Variants in MAP1LC3A observed in about 807,000 individuals in gnomAD.
MAP1LC3A encodes the protein microtubule associated protein 1 light chain 3 alpha.
Under a neutral mutation model 15.2 loss-of-function variants are expected in MAP1LC3A, and 10 were observed. The observed-to-expected ratio is 0.66, with a 90% CI of 0.41 to 1.12. The LOEUF is 1.12. Among genes scored for constraint, MAP1LC3A ranks in the 50% most tolerant of loss-of-function variants. The pLI is 0.00. For synonymous variants in MAP1LC3A, 63 were observed against 64.3 expected (o/e 0.98, Z 0.10); for missense variants, 138 against 167.3 (o/e 0.82, Z 0.97).
intron 1 of MAP1LC3A, among the ~76,000 whole-genome samples, chr20:34,548,236 C>T (rs1172504063): frequency 1.3e-5 from 2 of 152,182 alleles, no homozygotes; most frequent in Non-Finnish European, 2.9e-5. Flanking sequence ...GAGACAGAGC[C>T]TGGACCTGAC....
upstream of MAP1LC3A, among the ~76,000 whole-genome samples, chr20:34,554,355 T>G (rs1235129188): frequency 0.14 from 215 of 1,524 alleles, 3 homozygotes; most frequent in African/African-American, 0.31. Context: ...ATACGTTGGG[T>G]TTTTTTTTTT....
At chr20:34,549,062 A>G (rs570507803) in intron 1 of MAP1LC3A, among the ~76,000 whole-genome samples, 1 of 145,988 alleles carries the variant, frequency 6.8e-6, no homozygotes, top group African/African-American at 2.6e-5. Context: ...GATAGTCTCT[A>G]TCACCCAGGC....
chr20:34,556,603 T>G (rs2146677068), upstream of MAP1LC3A, among the ~76,000 whole-genome samples: 1 of 152,116 alleles, frequency 6.6e-6, no homozygotes, highest in East Asian at 1.9e-4. Context: ...CAGCCTCTTT[T>G]TTTTTTTTTT....
At position 34,559,247 on chromosome 20, in the gene MAP1LC3A, A is replaced by C. The variant is rs1982314589; in HGVS notation, c.80A>C (p.His27Pro). The C allele has an allele frequency of 6.2e-7, 1 of 1,605,162 alleles. No individual in the cohort carries two copies. ...GAGGTACAGCAGATCCGCGACCAGC[A>C]CCCCAGCAAAATCCCGGTGAGTCCC... ...CKEVQQIRDQ[H>P]PSKIPVIIER... Residue 27 changes from histidine to proline, a missense_variant, in exon 2 of 4, where the codon CAC (histidine) becomes CCC (proline). Physicochemically the swap from His to Pro is moderately conservative, Grantham distance 77 (BLOSUM62 -2). Transcript: ENST00000360668.
chr20:34,551,687 G>A (rs1316672638), intron 2 of MAP1LC3A, among the ~76,000 whole-genome samples: 1 of 151,878 alleles, frequency 6.6e-6, no homozygotes, highest in African/African-American at 2.4e-5. Context: ...GGCTGGTCTT[G>A]AACTCTTGAC....
In MAP1LC3A at chr20:34,559,188, G is replaced by A. The variant is rs762462005; in HGVS notation, c.41-20G>A. 6.4e-5 allele frequency: 101 copies of A among 1,569,898 alleles called. No homozygotes were observed. The highest frequency in any genetic ancestry group is 4.1e-4 in the Middle Eastern group (2 of 4,888). On this transcript the variant is annotated intron_variant, in intron 1 of 3. Coordinates refer to ENST00000360668, the MANE Select transcript of MAP1LC3A (RefSeq NM_032514.4). ...CTGGGCCGGCCCGACCCGGCCTCAC[G>A]GTCTGGCCGCTGTCCGCAGCCGACC...
upstream of MAP1LC3A, among the ~76,000 whole-genome samples, chr20:34,556,283 G>A (rs1982154968): frequency 6.6e-6 from 1 of 152,206 alleles, no homozygotes; most frequent in Admixed American, 6.5e-5. Context: ...CAAAGAATAT[G>A]GTTGAAACTG....
chr20:34,546,982 G>A (rs1981757146), intron 1 of MAP1LC3A: 1 of 152,362 alleles, frequency 6.6e-6, no homozygotes, highest in Non-Finnish European at 1.5e-5. Flanking sequence ...CAAGTCCATG[G>A]GGCGTGAGGA....
chr20:34,559,225 G>T lies in MAP1LC3A; in HGVS notation c.58G>T (p.Val20Leu). The T allele has an allele frequency of 6.2e-7, 1 of 1,604,194 alleles. No individual in the cohort carries two copies. Among genetic ancestry groups the T allele is most frequent in the Non-Finnish European group, 8.5e-7 (1 of 1,176,498 alleles). ...GTCCGCAGCCGACCGCTGTAAGGAG[G>T]TACAGCAGATCCGCGACCAGCACCC... is the stretch of plus-strand genomic sequence containing the variant. ...RRSFADRCKEVQQIRDQHPSK... is the reference protein window; with the variant it reads ...RRSFADRCKELQQIRDQHPSK... The change falls in exon 2 of 4, where the codon GTA becomes TTA. Residue 20 changes from valine (V) to leucine (L), a missense_variant. Coordinates refer to ENST00000360668, the MANE Select transcript of MAP1LC3A (RefSeq NM_032514.4).
Position 34,560,067 on chromosome 20 carries a change from G to C in MAP1LC3A, c.*169G>C. On this transcript the variant is annotated 3_prime_UTR_variant, in exon 4 of 4. Coordinates refer to ENST00000360668, the MANE Select transcript of MAP1LC3A (RefSeq NM_032514.4). ...CCTACTCTGCCCCTGGGTGGATCCT[G>C]GGCCGGTCGTGTTAGGGTTGTCCCT... 3.1e-6 allele frequency: 2 copies of C among 655,416 alleles called. No homozygotes were observed. The highest frequency in any genetic ancestry group is 5.1e-6 in the Non-Finnish European group (2 of 394,816). The allele number at this position is 655,416 out of a possible 1,614,324, so 40.6% of individuals were successfully genotyped here.
chr20:34,554,357 T>G (rs1982064127), upstream of MAP1LC3A, among the ~76,000 whole-genome samples: 1 of 2,866 alleles, frequency 3.5e-4, no homozygotes, highest in African/African-American at 1.2e-3. Context: ...ACGTTGGGTT[T>G]TTTTTTTTTT....
At chr20:34,559,484 T>TTCTTCCTGCTGGTGAACC in intron 3 of MAP1LC3A, 31 bp downstream of exon 3, 1 of 1,588,672 alleles carries the variant, frequency 6.3e-7, no homozygotes, top group Non-Finnish European at 8.6e-7. Flanking sequence ...AGGAGGTGGC[T>TTCTTCCTGCTGGTGAACC]AGGGTCGGGA....
chr20:34,549,838 A>G (rs1981879987), intron 1 of MAP1LC3A: 4 of 677,894 alleles, frequency 5.9e-6, no homozygotes, highest in Non-Finnish European at 1.1e-5. Context: ...CCAGTCTTCA[A>G]TCTCGTCCAG....
intron 3 of MAP1LC3A, 31 bp downstream of exon 3, chr20:34,559,484 T>A (rs1330716642): frequency 6.3e-7 from 1 of 1,588,672 alleles, no homozygotes; most frequent in South Asian, 1.1e-5. Flanking sequence ...AGGAGGTGGC[T>A]AGGGTCGGGA....
chr20:34,557,141 G>A (rs1008786038), upstream of MAP1LC3A, among the ~76,000 whole-genome samples: 5 of 152,138 alleles, frequency 3.3e-5, no homozygotes, highest in African/African-American at 4.8e-5. Flanking sequence ...CTTGTAAATA[G>A]CATAGAGCTG....
chr20:34,552,478 C>T (rs1168490436), intron 2 of MAP1LC3A, among the ~76,000 whole-genome samples: 5 of 152,240 alleles, frequency 3.3e-5, no homozygotes. Context: ...ACACAGAGAT[C>T]CCGGGGAAGG....
intron 2 of MAP1LC3A, among the ~76,000 whole-genome samples, chr20:34,550,185 A>C (rs751888172): frequency 4.2e-4 from 64 of 152,226 alleles, no homozygotes; most frequent in Non-Finnish European, 3.5e-4. Flanking sequence ...CCATGGGTCC[A>C]AGTCCGAAGC....
At chr20:34,547,544 A>C (rs1174361817) in intron 1 of MAP1LC3A, among the ~76,000 whole-genome samples, 1 of 150,664 alleles carries the variant, frequency 6.6e-6, no homozygotes, top group Non-Finnish European at 1.5e-5. Flanking sequence ...GTCAAGGGAG[A>C]GCCCAGGTGG....
chr20:34,552,265 C>T (rs1421959723), intron 2 of MAP1LC3A, among the ~76,000 whole-genome samples: 1 of 152,258 alleles, frequency 6.6e-6, no homozygotes, highest in Non-Finnish European at 1.5e-5. Context: ...TTGAAAAGTG[C>T]TTGGGTTACA....
Sources: gnomAD v4.1 joint callset for allele counts (sites outside exome capture counted in the v4.1 genomes callset) on GRCh38, gnomAD v4.1.1 for gene constraint, MANE v1.5 for transcripts, NCBI Gene and HGNC (gene_info 2026-07-23, HGNC 2026-07-21) for gene names.